RELN: variants seen among roughly 807,000 people sequenced by gnomAD.
RELN encodes reelin.
A neutral mutation model predicts 427.6 loss-of-function variants in RELN; 108 were observed. The ratio of observed to expected loss-of-function variants is 0.25; its 90% CI spans 0.22 to 0.30. The LOEUF (loss-of-function observed/expected upper bound fraction) is 0.30, where lower values mean the gene tolerates loss of function less well. Ranked by LOEUF, RELN falls within the 10% of genes least tolerant of loss-of-function variation. The probability of loss-of-function intolerance (pLI) is 1.00; values close to 1 mark genes in which losing one functional copy is unlikely to be tolerated. For synonymous variants in RELN, 1,524 were observed against 1,513.4 expected (o/e 1.01, Z -0.16); for missense variants, 3,715 against 4,302.8 (o/e 0.86, Z 3.82).
intron 60 of RELN, among the ~76,000 whole-genome samples, chr7:103,486,890 G>A (rs1443782543): frequency 6.6e-6 from 1 of 152,152 alleles, no homozygotes; most frequent in African/African-American, 2.4e-5. Flanking sequence ...ATTTGACCTG[G>A]CAATCCCATT....
intron 1 of RELN, among the ~76,000 whole-genome samples, chr7:103,931,250 G>C (rs577613026): frequency 1.3e-5 from 2 of 152,142 alleles, no homozygotes; most frequent in East Asian, 3.9e-4. Flanking sequence ...TGAATACAAG[G>C]GTTGTTATCC....
chr7:103,983,316 T>C (rs1391718393), intron 1 of RELN, among the ~76,000 whole-genome samples: 1 of 152,210 alleles, frequency 6.6e-6, no homozygotes, highest in Non-Finnish European at 1.5e-5. Flanking sequence ...TTGGCTAACC[T>C]ATAGGCACAG....
chr7:103,669,189 A>T (rs1487958287), intron 11 of RELN, among the ~76,000 whole-genome samples: 1 of 152,208 alleles, frequency 6.6e-6, no homozygotes, highest in Non-Finnish European at 1.5e-5. Context: ...AACAAAAGTG[A>T]AGTTACTTCC....
rs914013651 is a variant in RELN at position 103,659,513 on chromosome 7, C to G, written c.1441+1863G>C. 2.0e-5 allele frequency among the ~76,000 whole-genome samples: 3 copies of G among 152,044 alleles called. No homozygotes were observed. The East Asian group carries it at 5.8e-4, about 29-fold the overall frequency. ...TATGACATACCTTTATTCTTGTGCC[C>G]TTTTTTCATAATGGCTTAGCTTGGA... On this transcript the variant is annotated intron_variant, in intron 12 of 64. Coordinates refer to ENST00000428762, the MANE Select transcript of RELN (RefSeq NM_005045.4).
At chr7:103,935,111 C>G (rs542309320) in intron 1 of RELN, among the ~76,000 whole-genome samples, 23 of 152,120 alleles carry the variant, frequency 1.5e-4, no homozygotes, top group Non-Finnish European at 2.9e-4. Context: ...TATCTGTATC[C>G]CAAGAATTTG....
At chr7:103,575,771 A>G (rs1830985147) in intron 28 of RELN, 66 bp from the exon 29 acceptor site, 1 of 1,556,604 alleles carries the variant, frequency 6.4e-7, no homozygotes, top group Non-Finnish European at 8.9e-7. Context: ...TGGAATATAG[A>G]AAAATTCAGA....
Position 103,630,102 on chromosome 7 carries a change from G to C in RELN, c.2540C>G (p.Ser847Cys). 6.2e-7 allele frequency: 1 copy of C among 1,613,606 alleles called. No homozygotes were observed. Among genetic ancestry groups the C allele is most frequent in the Non-Finnish European group, 8.5e-7 (1 of 1,179,740 alleles). Residue 847 changes from serine to cysteine, a missense_variant, in exon 20 of 65, where the codon TCT becomes TGT. Coordinates refer to ENST00000428762, the MANE Select transcript of RELN (RefSeq NM_005045.4). The stretch of plus-strand genomic sequence containing the variant: ...AGCCCATACATCTTCTCTCTGGGAA[G>C]AATGATACGGTTGCCACCATCTGAA... ...IQFRWWQPYHSSQREDVWAID... is the reference protein window; with the variant it reads ...IQFRWWQPYHCSQREDVWAID...
At chr7:103,760,548 A>G (rs1322043066) in intron 4 of RELN, among the ~76,000 whole-genome samples, 3 of 152,120 alleles carry the variant, frequency 2.0e-5, no homozygotes, top group Admixed American at 6.5e-5. Flanking sequence ...AGACTTAAAT[A>G]TGTGGAGCAG....
At chr7:103,755,856 T>C (rs949970583) in intron 4 of RELN, among the ~76,000 whole-genome samples, 1 of 147,200 alleles carries the variant, frequency 6.8e-6, no homozygotes, top group African/African-American at 2.5e-5. Context: ...TTACCATGCC[T>C]AACGTTAGCT....
intron 26 of RELN, 129 bp from the exon 27 acceptor site, chr7:103,594,011 A>AT (rs3842178): frequency 2.0e-4 from 146 of 717,788 alleles, no homozygotes; most frequent in Non-Finnish European, 2.6e-4. Context: ...AAGAATCTCT[A>AT]TTTTTTTTTA....
At chr7:103,490,918 A>T (rs977375951) in intron 58 of RELN, 89 bp from the exon 59 acceptor site, 66 of 1,332,826 alleles carry the variant, frequency 5.0e-5, no homozygotes, top group Non-Finnish European at 6.9e-5. Flanking sequence ...ATCGGGTTAA[A>T]TTAAAATATT....
intron 11 of RELN, among the ~76,000 whole-genome samples, chr7:103,664,816 CT>C (rs1407831980): frequency 5.4e-4 from 82 of 151,982 alleles, no homozygotes; most frequent in Admixed American, 5.4e-3. Flanking sequence ...TAGGATCACT[CT>C]TTTCTTTCTC....
intron 1 of RELN, among the ~76,000 whole-genome samples, chr7:103,941,998 A>C (rs1401875355): frequency 6.6e-6 from 1 of 151,494 alleles, no homozygotes; most frequent in Non-Finnish European, 1.5e-5. Flanking sequence ...ATTAAGTATT[A>C]GCATAGTTTT....
At position 103,489,870 on chromosome 7, in the gene RELN, C is replaced by G. The variant is rs908256601; in HGVS notation, c.9635G>C (p.Gly3212Ala). ...SATQFRWIQK[G>A]EETEKQSWAI... ...CCAGCTTTGCTTCTCAGTTTCTTCT[C>G]CCTTCTGGATCCAGCGGAACTGTGT... The change falls in exon 60 of 65, where the codon GGA (glycine) becomes GCA (alanine). Residue 3212 changes from glycine (G) to alanine (A), a missense_variant. Around this residue, in one of 4 missense-constraint regions of RELN, gnomAD observed 1,310 missense variants for 1,643.0 expected, o/e 0.80. Coordinates refer to ENST00000428762, the MANE Select transcript of RELN (RefSeq NM_005045.4). 6.2e-7 allele frequency: 1 copy of G among 1,614,032 alleles called. No individual in the cohort carries two copies. The highest frequency in any genetic ancestry group is 8.5e-7 in the Non-Finnish European group (1 of 1,180,038).
intron 22 of RELN, 31 bp from the exon 23 acceptor site, chr7:103,604,514 G>C: frequency 6.2e-7 from 1 of 1,613,184 alleles, no homozygotes; most frequent in Non-Finnish European, 8.5e-7. Context: ...AACAAAAACG[G>C]TTTCAACCTT....
intron 63 of RELN, among the ~76,000 whole-genome samples, chr7:103,481,044 C>T (rs545354605): frequency 2.6e-5 from 4 of 152,282 alleles, no homozygotes; most frequent in South Asian, 2.1e-4. Flanking sequence ...GGCTTCCTGC[C>T]GGTGCTCTGA....
At chr7:103,979,358 C>T (rs10244625) in intron 1 of RELN, among the ~76,000 whole-genome samples, 25,027 of 152,210 alleles carry the variant, frequency 0.16, 2,132 homozygotes, top group Middle Eastern at 0.29. Context: ...CTTGCCATCC[C>T]TCATGCTTCA....
intron 2 of RELN, among the ~76,000 whole-genome samples, chr7:103,913,533 C>T (rs1022783787): frequency 6.6e-6 from 1 of 152,092 alleles, no homozygotes; most frequent in Non-Finnish European, 1.5e-5. Context: ...TAGCCTGACC[C>T]TACCATAACT....
intron 3 of RELN, among the ~76,000 whole-genome samples, chr7:103,820,322 G>A (rs1191728916): frequency 6.6e-6 from 1 of 151,928 alleles, no homozygotes; most frequent in East Asian, 1.9e-4. Context: ...TGATTGTAAG[G>A]TACATTTTTC....
Sources: allele counts gnomAD v4.1 joint callset (sites outside exome capture counted in the v4.1 genomes callset), GRCh38; gene constraint gnomAD v4.1.1; regional missense constraint gnomAD v4.1.1; transcripts MANE v1.5; gene names NCBI Gene and HGNC (gene_info 2026-07-23, HGNC 2026-07-21).